The following PRDX3 variants were observed in gnomAD, a reference collection of about 807,000 sequenced individuals.
PRDX3 encodes the protein thioredoxin-dependent peroxide reductase, mitochondrial.
PRDX3 carries 20 observed loss-of-function variants against 30.4 expected under a neutral mutation model. The ratio of observed to expected loss-of-function variants is 0.66; its 90% CI spans 0.46 to 0.96. The LOEUF (loss-of-function observed/expected upper bound fraction) is 0.96, where lower values mean the gene tolerates loss of function less well. Ranked by LOEUF, PRDX3 falls within the 40% of genes least tolerant of loss-of-function variation. PRDX3 has a pLI of 0.00. For missense variants in PRDX3, 322 were observed against 318.3 expected (o/e 1.01, Z -0.09); for synonymous variants, 124 against 117.8 (o/e 1.05, Z -0.34).
intron 3 of PRDX3, 134 bp from the exon 4 acceptor site, chr10:119,174,006 T>C (rs3758610): frequency 0.013 from 10,083 of 794,548 alleles, 188 homozygotes; most frequent in East Asian, 0.064. Flanking sequence ...TGGACTATAG[T>C]GTTGTGCTGG....
chr10:119,170,435 CTT>C (rs1473600265), intron 5 of PRDX3: 2 of 152,092 alleles, frequency 1.3e-5, no homozygotes, highest in African/African-American at 4.8e-5. Flanking sequence ...GCTTCTCTCT[CTT>C]GTTAATCTCA....
chr10:119,173,088 A>G (rs10886407), intron 4 of PRDX3, among the ~76,000 whole-genome samples: 83,108 of 151,676 alleles, frequency 0.55, 24,864 homozygotes, highest in African/African-American at 0.8. Context: ...ACAGGCGCCC[A>G]CCACCACACT....
intron 1 of PRDX3, among the ~76,000 whole-genome samples, 161 bp from the exon 2 acceptor site, chr10:119,177,314 T>C (rs1252758465): frequency 2.0e-5 from 3 of 152,100 alleles, no homozygotes; most frequent in Non-Finnish European, 2.9e-5. Context: ...TTCTTAACAC[T>C]CCCTTCTGCT....
chr10:119,178,549 G>A (rs1173214230), intron 1 of PRDX3, among the ~76,000 whole-genome samples: 2 of 152,220 alleles, frequency 1.3e-5, no homozygotes, highest in African/African-American at 4.8e-5. Flanking sequence ...ACTCGGGGAA[G>A]AGACCGCGAG....
At chr10:119,178,517 C>T (rs1006289721) in intron 1 of PRDX3, among the ~76,000 whole-genome samples, 12 of 152,194 alleles carry the variant, frequency 7.9e-5, no homozygotes, top group African/African-American at 2.7e-4. Flanking sequence ...GCCTGGGGAC[C>T]GGGGACGCCG....
intron 4 of PRDX3, among the ~76,000 whole-genome samples, chr10:119,173,024 C>T (rs933164230): frequency 7.2e-5 from 11 of 152,028 alleles, no homozygotes; most frequent in African/African-American, 2.2e-4. Context: ...TGGCAACCAC[C>T]GCCTCCTGGG....
At chr10:119,173,305 T>TA in intron 4 of PRDX3, among the ~76,000 whole-genome samples, 1 of 151,832 alleles carries the variant, frequency 6.6e-6, no homozygotes, top group South Asian at 2.1e-4. Context: ...GGAAGAGTAA[T>TA]AATAAAAAAA....
At chr10:119,168,970 CAAA>C (rs34820945) in intron 6 of PRDX3, among the ~76,000 whole-genome samples, 21 of 133,536 alleles carry the variant, frequency 1.6e-4, no homozygotes, top group Admixed American at 2.3e-4. Context: ...GACTCCGTCT[CAAA>C]AAAAAAAAAA....
chr10:119,170,593 T>C (rs2133652835), intron 5 of PRDX3: 1 of 151,130 alleles, frequency 6.6e-6, no homozygotes, highest in Non-Finnish European at 1.5e-5. Context: ...TCTTTAAAGT[T>C]TAAAAAAAAA....
chr10:119,171,653 A>G (rs575486068), intron 5 of PRDX3, among the ~76,000 whole-genome samples: 17 of 152,368 alleles, frequency 1.1e-4, no homozygotes, highest in African/African-American at 4.1e-4. Context: ...GCCAGTAACT[A>G]TGCTAAAAAC....
chr10:119,176,894 G>T, intron 2 of PRDX3, 127 bp downstream of exon 2: 2 of 1,118,874 alleles, frequency 1.8e-6, no homozygotes, highest in Non-Finnish European at 2.6e-6. Flanking sequence ...TGGGACGGGG[G>T]CAGTGCTGTG....
intron 2 of PRDX3, among the ~76,000 whole-genome samples, chr10:119,175,534 C>T (rs891344376): frequency 6.7e-6 from 1 of 150,226 alleles, no homozygotes; most frequent in African/African-American, 2.5e-5. Flanking sequence ...TAGCTGGGAC[C>T]ACAGGCGCCC....
In PRDX3 at chr10:119,169,274, C is replaced by T. The variant is rs748033249; in HGVS notation, c.620G>A (p.Arg207Gln). 15 of 1,613,906 alleles carry T rather than the reference C, an allele frequency of 9.3e-6. No homozygotes were observed. The Admixed American group carries it at 1.5e-4, about 16-fold the overall frequency. ...HLSVNDLPVGRSVEETLRLVK... is the reference protein window; with the variant it reads ...HLSVNDLPVGQSVEETLRLVK... ...CAAGCGGAGGGTTTCTTCCACGCTT[C>T]GGCCCACTGGGAGATCGTTGACGCT... Residue 207 changes from arginine to glutamine, a missense_variant, in exon 6 of 7, where the codon CGA (arginine) becomes CAA (glutamine). Physicochemically the swap from Arg to Gln is conservative, Grantham distance 43. Transcript: ENST00000298510.
In PRDX3 at chr10:119,177,771, G is replaced by T. The variant is rs11198811; in HGVS notation, c.37-618C>A. Among the ~76,000 whole-genome samples, 15 of 151,586 alleles carry T rather than the reference G, an allele frequency of 9.9e-5. No individual in the cohort carries two copies. The South Asian group carries it at 1.7e-3, about 17-fold the overall frequency. On this transcript the variant is annotated intron_variant, in intron 1 of 6. Coordinates refer to ENST00000298510, the MANE Select transcript of PRDX3 (RefSeq NM_006793.5). The stretch of plus-strand genomic sequence containing the variant: ...TGCTGAGTATGTTCTACCATTTCAA[G>T]GTTTTCCTTAGAAAAACAAGGCCCC...
chr10:119,172,936 A>T (rs758130193), intron 4 of PRDX3, among the ~76,000 whole-genome samples: 12 of 151,374 alleles, frequency 7.9e-5, no homozygotes, highest in African/African-American at 2.9e-4. Context: ...TTATTATTTT[A>T]TTTATTTATT....
In PRDX3 at chr10:119,169,238, A is replaced by G. The variant is rs1341533531; in HGVS notation, c.656T>C (p.Phe219Ser). 8 of 1,613,292 alleles carry G rather than the reference A, an allele frequency of 5.0e-6. No individual in the cohort carries two copies. Among genetic ancestry groups the G allele is most frequent in the Non-Finnish European group, 6.8e-6 (8 of 1,180,036 alleles). Residue 219 changes from phenylalanine (F) to serine (S), a missense_variant, in exon 6 of 7, where the codon TTC (phenylalanine) becomes TCC (serine). Coordinates refer to ENST00000298510, the MANE Select transcript of PRDX3 (RefSeq NM_006793.5). Reference sequence around the variant, plus strand: ...TTCTCCATGTGTTTCTACATACTGGAACGCCTTCACCAAGCGGAGGGTTTC... The same window carrying G: ...TTCTCCATGTGTTTCTACATACTGGGACGCCTTCACCAAGCGGAGGGTTTC... Reference protein sequence around the residue: ...VEETLRLVKAFQYVETHGEVC... With the variant: ...VEETLRLVKASQYVETHGEVC...
intron 4 of PRDX3, 58 bp from the exon 5 acceptor site, chr10:119,172,543 C>A: frequency 7.2e-7 from 1 of 1,390,364 alleles, no homozygotes; most frequent in Non-Finnish European, 1.0e-6. Context: ...TTCTTGACCA[C>A]GTACCACAAT....
intron 3 of PRDX3, 70 bp from the exon 4 acceptor site, chr10:119,173,942 C>A: frequency 6.7e-7 from 1 of 1,491,488 alleles, no homozygotes; most frequent in Non-Finnish European, 9.2e-7. Flanking sequence ...AGTGGTCTAA[C>A]AACTAGTTCA....
intron 4 of PRDX3, among the ~76,000 whole-genome samples, chr10:119,173,350 C>T (rs746345843): frequency 3.3e-5 from 5 of 152,154 alleles, no homozygotes; most frequent in Non-Finnish European, 5.9e-5. Context: ...TGGCTCATGC[C>T]TGTAATTCCG....
Sources: gnomAD v4.1 joint callset for allele counts (sites outside exome capture counted in the v4.1 genomes callset) on GRCh38, gnomAD v4.1.1 for gene constraint, MANE v1.5 for transcripts, NCBI Gene and HGNC (gene_info 2026-07-23, HGNC 2026-07-21) for gene names.